Variants in KIAA0825 observed in about 807,000 individuals in gnomAD.
The protein encoded by KIAA0825 is KIAA0825.
KIAA0825 carries 119 observed loss-of-function variants against 147.6 expected under a neutral mutation model. The observed-to-expected ratio is 0.81, with a 90% CI of 0.69 to 0.94. The LOEUF (loss-of-function observed/expected upper bound fraction) is 0.94, where lower values mean the gene tolerates loss of function less well. Ranked by LOEUF, KIAA0825 falls within the 40% of genes least tolerant of loss-of-function variation. The probability of loss-of-function intolerance (pLI) is 0.00; values close to 1 mark genes in which losing one functional copy is unlikely to be tolerated. For synonymous variants in KIAA0825, 470 were observed against 518.1 expected (o/e 0.91, Z 1.26); for missense variants, 1,381 against 1,472.7 (o/e 0.94, Z 1.02).
chr5:94,271,326 G>A (rs1032564913), intron 20 of KIAA0825, among the ~76,000 whole-genome samples: 1 of 152,070 alleles, frequency 6.6e-6, no homozygotes, highest in Non-Finnish European at 1.5e-5. Context: ...AAAGTGAAGA[G>A]ACAACCCACA....
chr5:94,504,226 G>T (rs1300596986), intron 5 of KIAA0825, among the ~76,000 whole-genome samples: 1 of 152,148 alleles, frequency 6.6e-6, no homozygotes, highest in Non-Finnish European at 1.5e-5. Context: ...AATAAAGGCT[G>T]TCTTAGCCTT....
At chr5:94,356,715 AACTTGATT>A (rs924010291) in intron 20 of KIAA0825, among the ~76,000 whole-genome samples, 5 of 136,736 alleles carry the variant, frequency 3.7e-5, no homozygotes, top group African/African-American at 1.4e-4. Context: ...CTTAAGGTTT[AACTTGATT>A]TCTTTTTTTT....
At chr5:94,413,628 G>A (rs1210563376) in intron 15 of KIAA0825, 1 of 152,170 alleles carries the variant, frequency 6.6e-6, no homozygotes, top group Admixed American at 6.5e-5. Context: ...CTGGGGCTGA[G>A]AGTTGAAAGG....
At chr5:94,302,700 G>T (rs932400049) in intron 20 of KIAA0825, among the ~76,000 whole-genome samples, 6 of 151,998 alleles carry the variant, frequency 3.9e-5, no homozygotes. Context: ...GAACTAGATA[G>T]TTTTAAACAA....
chr5:94,179,975 G>A (rs1367887482), intron 20 of KIAA0825, among the ~76,000 whole-genome samples: 2 of 151,754 alleles, frequency 1.3e-5, no homozygotes, highest in South Asian at 2.1e-4. Flanking sequence ...AACACCACAC[G>A]GTAACAATTG....
chr5:94,200,941 T>G (rs1390187602), intron 20 of KIAA0825, among the ~76,000 whole-genome samples: 1 of 86,500 alleles, frequency 1.2e-5, no homozygotes, highest in African/African-American at 4.5e-5. Context: ...AATATAGAAT[T>G]TAAACATATA....
intron 20 of KIAA0825, among the ~76,000 whole-genome samples, chr5:94,235,910 T>C (rs1403946816): frequency 6.6e-6 from 1 of 152,242 alleles, no homozygotes; most frequent in Non-Finnish European, 1.5e-5. Flanking sequence ...TTAAATCCAC[T>C]GTTGAGACCT....
chr5:94,218,888 G>A (rs1378498435), intron 20 of KIAA0825, among the ~76,000 whole-genome samples: 2 of 152,106 alleles, frequency 1.3e-5, no homozygotes, highest in Admixed American at 1.3e-4. Context: ...TGTTGTTGTT[G>A]TTGTTCCTTC....
chr5:94,266,782 A>G (rs1411301403), intron 20 of KIAA0825, among the ~76,000 whole-genome samples: 3 of 152,130 alleles, frequency 2.0e-5, no homozygotes, highest in Non-Finnish European at 4.4e-5. Context: ...TAATTGGTTT[A>G]TTGTTATTTT....
chr5:94,535,425 G>T (rs112268722), intron 3 of KIAA0825, among the ~76,000 whole-genome samples: 2,423 of 142,120 alleles, frequency 0.017, 32 homozygotes, highest in Non-Finnish European at 0.026. Flanking sequence ...CACAAGAATC[G>T]CTTGAACCAG....
At chr5:94,464,208 T>C (rs1318464657) in intron 11 of KIAA0825, among the ~76,000 whole-genome samples, 3 of 152,036 alleles carry the variant, frequency 2.0e-5, no homozygotes, top group Non-Finnish European at 2.9e-5. Context: ...TTCATATACA[T>C]ACAAGACCAC....
intron 17 of KIAA0825, among the ~76,000 whole-genome samples, chr5:94,393,771 T>C (rs1750229638): frequency 6.6e-6 from 1 of 152,158 alleles, no homozygotes; most frequent in Non-Finnish European, 1.5e-5. Context: ...TGACCACTGA[T>C]TAGTGAGAAG....
At chr5:94,520,215 T>A (rs747633155) in intron 5 of KIAA0825, 33 bp downstream of exon 5, 2 of 1,535,564 alleles carry the variant, frequency 1.3e-6, no homozygotes, top group South Asian at 2.6e-5. Flanking sequence ...AAGACTTAAG[T>A]TAAACCAAAC....
At chr5:94,462,775 T>C (rs952664) in intron 11 of KIAA0825, among the ~76,000 whole-genome samples, 22,594 of 151,664 alleles carry the variant, frequency 0.15, 1,939 homozygotes, top group East Asian at 0.21. Flanking sequence ...AATACCATTA[T>C]CTTTAGGGAT....
intron 20 of KIAA0825, among the ~76,000 whole-genome samples, chr5:94,337,584 A>T (rs1781947120): frequency 6.6e-6 from 1 of 152,214 alleles, no homozygotes; most frequent in Admixed American, 6.5e-5. Flanking sequence ...TATGGATTAT[A>T]ATTTAGCATT....
Position 94,596,505 on chromosome 5 carries a change from C to T in KIAA0825, c.-152-13922G>A, listed in dbSNP as rs534066762. Among the ~76,000 whole-genome samples, 36 of 152,170 alleles carry T rather than the reference C, an allele frequency of 2.4e-4. 1 individual carries two copies. In the South Asian group the frequency reaches 7.1e-3, roughly 30 times the overall value. ...TAGCCCTGTAGTAGTTTAAAACTGA[C>T]TAACTTGATGCCTCTGGCTTTGCTC... On this transcript the variant is annotated intron_variant, in intron 1 of 20. Coordinates refer to ENST00000682413, the MANE Select transcript of KIAA0825 (RefSeq NM_001145678.3).
intron 20 of KIAA0825, among the ~76,000 whole-genome samples, chr5:94,196,792 C>T (rs1423934640): frequency 1.3e-5 from 2 of 152,162 alleles, no homozygotes; most frequent in African/African-American, 2.4e-5. Flanking sequence ...CTGCAAAGAA[C>T]ATTATTTCAT....
chr5:94,395,265 T>C (rs1184272728), intron 17 of KIAA0825, among the ~76,000 whole-genome samples: 1 of 152,176 alleles, frequency 6.6e-6, no homozygotes, highest in Non-Finnish European at 1.5e-5. Context: ...AGAGTAACCA[T>C]ATTTCAAGTG....
At chr5:94,561,322 G>C (rs1313963437) in intron 2 of KIAA0825, among the ~76,000 whole-genome samples, 1 of 152,160 alleles carries the variant, frequency 6.6e-6, no homozygotes, top group Non-Finnish European at 1.5e-5. Flanking sequence ...TCTCTCATTT[G>C]GCTGTTCCTA....
Sources: allele counts gnomAD v4.1 joint callset (sites outside exome capture counted in the v4.1 genomes callset), GRCh38; gene constraint gnomAD v4.1.1; transcripts MANE v1.5; gene names NCBI Gene and HGNC (gene_info 2026-07-23, HGNC 2026-07-21).